Variants in TRPM3 observed in about 807,000 individuals in gnomAD.
The protein encoded by TRPM3 is long transient receptor potential channel 3.
In TRPM3, 77 loss-of-function variants were observed where a neutral mutation model predicts 181.2. The ratio of observed to expected loss-of-function variants is 0.42; its 90% CI spans 0.35 to 0.51. The LOEUF (loss-of-function observed/expected upper bound fraction) is 0.51. Among genes scored for constraint, TRPM3 ranks in the 20% least tolerant of loss-of-function variants. TRPM3 has a pLI of 0.01. For synonymous variants in TRPM3, 745 were observed against 796.4 expected (o/e 0.94, Z 1.09); for missense variants, 1,759 against 2,196.7 (o/e 0.80, Z 3.98).
chr9:70,997,560 C>CT (rs2097552082), intron 1 of TRPM3, among the ~76,000 whole-genome samples: 1 of 152,010 alleles, frequency 6.6e-6, no homozygotes, highest in African/African-American at 2.4e-5. Flanking sequence ...AGATTCTTTC[C>CT]TAGGACTACC....
rs1050630328 is a variant in TRPM3 at position 70,533,604 on chromosome 9, T to C, written c.*2349A>G. The C allele has an allele frequency of 2.0e-5, 3 of 152,130 alleles. No individual in the cohort carries two copies. Among genetic ancestry groups the C allele is most frequent in the African/African-American group, 7.2e-5 (3 of 41,432 alleles). 9.4% of individuals were successfully genotyped at this position (152,130 alleles called of 1,614,324 possible). Reference sequence around the variant, plus strand: ...GCATTATGTACATTTTTTTTTTCTTTCTGGAGAGAGAGCCTAGAGTTATCG... The same window carrying C: ...GCATTATGTACATTTTTTTTTTCTTCCTGGAGAGAGAGCCTAGAGTTATCG... On this transcript the variant is annotated 3_prime_UTR_variant, in exon 26 of 26. Transcript: ENST00000677713.
intron 1 of TRPM3, among the ~76,000 whole-genome samples, chr9:71,085,469 A>C (rs2065108750): frequency 6.6e-6 from 1 of 152,140 alleles, no homozygotes; most frequent in South Asian, 2.1e-4. Context: ...ACCTGGGCAA[A>C]AGACATGAAC....
At chr9:70,804,499 T>C (rs892620772) in intron 6 of TRPM3, among the ~76,000 whole-genome samples, 4 of 152,242 alleles carry the variant, frequency 2.6e-5, no homozygotes, top group Non-Finnish European at 5.9e-5. Flanking sequence ...TTTCTTTTGT[T>C]ATAGAGGTTT....
chr9:71,257,128 CT>C (rs2082722376), intron 1 of TRPM3, among the ~76,000 whole-genome samples: 1 of 152,130 alleles, frequency 6.6e-6, no homozygotes, highest in South Asian at 2.1e-4. Flanking sequence ...AGAAGAGTTG[CT>C]TTAAAGTTAT....
intron 1 of TRPM3, among the ~76,000 whole-genome samples, chr9:71,202,659 G>C (rs977469843): frequency 3.3e-5 from 5 of 152,144 alleles, no homozygotes; most frequent in African/African-American, 7.2e-5. Context: ...ATGTCAGTTG[G>C]TAAACTTCAG....
At chr9:71,373,306 A>C (rs201906400) in intron 1 of TRPM3, among the ~76,000 whole-genome samples, 1 of 97,900 alleles carries the variant, frequency 1.0e-5, no homozygotes, top group Admixed American at 1.2e-4. Flanking sequence ...GACATGAAAA[A>C]CCCTTAAAAA....
intron 1 of TRPM3, among the ~76,000 whole-genome samples, chr9:71,270,816 T>TG (rs1245853685): frequency 6.6e-6 from 1 of 152,214 alleles, no homozygotes; most frequent in East Asian, 1.9e-4. Flanking sequence ...TGCTCTGCCT[T>TG]GTTCCTTCAG....
At chr9:71,167,489 C>A (rs1002106571) in intron 1 of TRPM3, among the ~76,000 whole-genome samples, 1 of 152,150 alleles carries the variant, frequency 6.6e-6, no homozygotes, top group African/African-American at 2.4e-5. Context: ...TGCAAAAAAA[C>A]ACACTTCTTT....
intron 1 of TRPM3, among the ~76,000 whole-genome samples, chr9:71,148,104 TG>T (rs1485008324): frequency 4.6e-5 from 4 of 86,278 alleles, no homozygotes; most frequent in Non-Finnish European, 1.2e-4. Flanking sequence ...AAGAATTTTC[TG>T]AAGTTAAAAA....
At chr9:71,253,179 T>C (rs1217090482) in intron 1 of TRPM3, among the ~76,000 whole-genome samples, 1 of 152,174 alleles carries the variant, frequency 6.6e-6, no homozygotes, top group African/African-American at 2.4e-5. Context: ...AATTTTCACA[T>C]TTCTCACAGA....
At chr9:70,557,982 A>G (rs919164285) in intron 22 of TRPM3, among the ~76,000 whole-genome samples, 29 of 152,178 alleles carry the variant, frequency 1.9e-4, no homozygotes, top group African/African-American at 5.8e-4. Context: ...TACGGGTGAA[A>G]TGAACTTCAA....
intron 1 of TRPM3, among the ~76,000 whole-genome samples, chr9:70,987,189 T>C (rs2097430336): frequency 6.6e-6 from 1 of 152,032 alleles, no homozygotes; most frequent in African/African-American, 2.4e-5. Context: ...AAAATCAACA[T>C]AACAACTGAT....
rs569732812 is a variant in TRPM3, at chr9:70,619,404, T to G, written c.2130-309A>C. Among the ~76,000 whole-genome samples, 337 of 104,302 alleles carry G rather than the reference T, an allele frequency of 3.2e-3. 1 individual carries two copies. Among genetic ancestry groups the G allele is most frequent in the African/African-American group, 8.3e-3 (245 of 29,346 alleles). 68.4% of individuals were successfully genotyped at this position (104,302 alleles called of 152,430 possible). ...TAGAGTACAGTATGTCATCGTCGTC[T>G]TCTTTTTTTTTTTTTTTTTTTTTTT... is the stretch of plus-strand genomic sequence containing the variant. On this transcript the variant is annotated intron_variant, in intron 16 of 25. Transcript: ENST00000677713.
intron 1 of TRPM3, among the ~76,000 whole-genome samples, chr9:71,003,246 C>T (rs186710996): frequency 1.3e-5 from 2 of 150,012 alleles, no homozygotes; most frequent in Admixed American, 1.3e-4. Flanking sequence ...CACTGCATAG[C>T]AGTTCAAGGA....
chr9:71,338,615 G>A (rs969432956), intron 1 of TRPM3, among the ~76,000 whole-genome samples: 1 of 150,424 alleles, frequency 6.6e-6, no homozygotes, highest in Admixed American at 6.6e-5. Context: ...AAATGTAAAA[G>A]TAATCAAAAT....
chr9:71,405,719 C>A (rs1442395690), intron 1 of TRPM3, among the ~76,000 whole-genome samples: 1 of 152,084 alleles, frequency 6.6e-6, no homozygotes, highest in Non-Finnish European at 1.5e-5. Context: ...CTTCTCCTTT[C>A]GTGCTTATAA....
chr9:70,658,512 G>T (rs986031665), intron 9 of TRPM3, among the ~76,000 whole-genome samples: 6 of 152,178 alleles, frequency 3.9e-5, no homozygotes, highest in African/African-American at 1.4e-4. Flanking sequence ...TTATTGGTAT[G>T]TGTTTCAAAA....
chr9:70,923,374 T>A lies in TRPM3; in HGVS notation c.178-58863A>T, dbSNP rs139678726. Among the ~76,000 whole-genome samples, 323 of 152,222 alleles carry A rather than the reference T, an allele frequency of 2.1e-3. 1 individual carries two copies. Among genetic ancestry groups the A allele is most frequent in the African/African-American group, 7.5e-3 (311 of 41,548 alleles). ...ATAGAGAGGATAAAATCCGTCAAGA[T>A]TACAACAGAACACTAGATAGGATTA... On this transcript the variant is annotated intron_variant, in intron 1 of 25. Transcript: ENST00000677713.
intron 1 of TRPM3, among the ~76,000 whole-genome samples, chr9:71,305,145 C>T (rs1565443825): frequency 6.6e-6 from 1 of 152,156 alleles, no homozygotes; most frequent in Non-Finnish European, 1.5e-5. Flanking sequence ...GGGCAATGCT[C>T]TTCTCATTAT....
Sources: allele counts gnomAD v4.1 joint callset (sites outside exome capture counted in the v4.1 genomes callset), GRCh38; gene constraint gnomAD v4.1.1; transcripts MANE v1.5; gene names NCBI Gene and HGNC (gene_info 2026-07-23, HGNC 2026-07-21).